ATXN1: variants seen among roughly 807,000 people sequenced by gnomAD.
The protein encoded by ATXN1 is ataxin-1.
A neutral mutation model predicts 56.4 loss-of-function variants in ATXN1; 8 were observed. The ratio of observed to expected loss-of-function variants is 0.14; its 90% confidence interval spans 0.08 to 0.26. The LOEUF (loss-of-function observed/expected upper bound fraction) is 0.26. ATXN1 is among the 10% of genes least tolerant of loss of function. ATXN1 has a pLI of 1.00. For synonymous variants in ATXN1, 514 were observed against 494.6 expected, an observed-to-expected ratio of 1.04 and a Z score of -0.52; for missense variants, 987 against 1,106.5, an observed-to-expected ratio of 0.89 and a Z score of 1.53.
intron 6 of ATXN1, among the ~76,000 whole-genome samples, chr6:16,345,018 G>A (rs1340148881): frequency 6.6e-6 from 1 of 152,320 alleles, no homozygotes; most frequent in East Asian, 1.9e-4. Flanking sequence ...CTAGGGTGCT[G>A]TCCGTCCTTG....
At chr6:16,578,045 T>C (rs1762457247) in intron 4 of ATXN1, among the ~76,000 whole-genome samples, 1 of 152,218 alleles carries the variant, frequency 6.6e-6, no homozygotes, top group African/African-American at 2.4e-5. Context: ...ACTACATTAA[T>C]TTTATTACAT....
chr6:16,470,983 G>A lies in ATXN1; in HGVS notation c.-161+14989C>T, dbSNP rs766439726. Among the ~76,000 whole-genome samples, 2 of 152,258 alleles carry A rather than the reference G, an allele frequency of 1.3e-5. 1 individual carries two copies. Among genetic ancestry groups the A allele is most frequent in the South Asian group, 4.1e-4 (2 of 4,826 alleles). Reference sequence around the variant, plus strand: ...ACCAAGGTACCTAGACTGATGTGAGGCATTTGGAAGAGGGGAAAGATTCGT... The same window carrying A: ...ACCAAGGTACCTAGACTGATGTGAGACATTTGGAAGAGGGGAAAGATTCGT... On this transcript the variant is annotated intron_variant, in intron 6 of 7. Coordinates refer to ENST00000436367, the MANE Select transcript of ATXN1 (RefSeq NM_001128164.2).
intron 6 of ATXN1, among the ~76,000 whole-genome samples, chr6:16,453,435 T>C (rs146728068): frequency 0.027 from 4,123 of 152,256 alleles, 77 homozygotes; most frequent in Non-Finnish European, 0.043. Flanking sequence ...CACTCCAGCC[T>C]GGGCGACAGA....
At chr6:16,634,107 T>C (rs981812802) in intron 3 of ATXN1, among the ~76,000 whole-genome samples, 1 of 152,252 alleles carries the variant, frequency 6.6e-6, no homozygotes, top group Non-Finnish European at 1.5e-5. Flanking sequence ...ATCTCCAGCT[T>C]GAAATGCCCT....
chr6:16,733,426 G>A (rs1191209982), intron 2 of ATXN1, among the ~76,000 whole-genome samples: 1 of 152,128 alleles, frequency 6.6e-6, no homozygotes, highest in Non-Finnish European at 1.5e-5. Context: ...AGTTGGGTGT[G>A]GTGGTGCACA....
Position 16,489,490 on chromosome 6 carries a change from G to A in ATXN1, c.-298-3381C>T, listed in dbSNP as rs73724880. On this transcript the variant is annotated intron_variant, in intron 5 of 7. Coordinates refer to ENST00000436367, the MANE Select transcript of ATXN1 (RefSeq NM_001128164.2). ...AGTCATTAGTGGAATTTGAACAGTT[G>A]TCATCTCCTTTCAAGATTTACAAAC... Among the ~76,000 whole-genome samples the A allele has an allele frequency of 1.2e-3, 185 of 152,234 alleles. 1 individual carries two copies. Among genetic ancestry groups the A allele is most frequent in the African/African-American group, 4.3e-3 (177 of 41,540 alleles).
At chr6:16,343,508 C>T (rs1228408802) in intron 6 of ATXN1, among the ~76,000 whole-genome samples, 1 of 152,092 alleles carries the variant, frequency 6.6e-6, no homozygotes, top group Non-Finnish European at 1.5e-5. Flanking sequence ...GACGTCAGGG[C>T]ATCCTTTAAG....
chr6:16,459,934 A>G (rs1759956541), intron 6 of ATXN1, among the ~76,000 whole-genome samples: 1 of 152,220 alleles, frequency 6.6e-6, no homozygotes, highest in South Asian at 2.1e-4. Context: ...CTCTGCCTAC[A>G]ACAAGTCAAA....
intron 6 of ATXN1, among the ~76,000 whole-genome samples, chr6:16,420,075 C>T (rs1390977974): frequency 1.3e-5 from 2 of 152,312 alleles, no homozygotes; most frequent in Non-Finnish European, 1.5e-5. Flanking sequence ...AGAACATAGG[C>T]AACGAATACT....
At chr6:16,392,582 G>C (rs1034605690) in intron 6 of ATXN1, among the ~76,000 whole-genome samples, 1 of 151,684 alleles carries the variant, frequency 6.6e-6, no homozygotes, top group Non-Finnish European at 1.5e-5. Flanking sequence ...TGCAACCTCC[G>C]CCTTCTAGGT....
At chr6:16,510,222 G>C (rs1761055991) in intron 5 of ATXN1, among the ~76,000 whole-genome samples, 1 of 152,070 alleles carries the variant, frequency 6.6e-6, no homozygotes, top group African/African-American at 2.4e-5. Context: ...GTTCCTCAAA[G>C]TGTCTTCCTG....
chr6:16,745,309 T>C (rs1308895307), intron 2 of ATXN1, among the ~76,000 whole-genome samples: 2 of 152,224 alleles, frequency 1.3e-5, no homozygotes, highest in Non-Finnish European at 2.9e-5. Flanking sequence ...GCTGCGGCTT[T>C]ACAACAGTAA....
chr6:16,492,859 A>C (rs1181977381), intron 5 of ATXN1, among the ~76,000 whole-genome samples: 1 of 152,160 alleles, frequency 6.6e-6, no homozygotes, highest in Admixed American at 6.5e-5. Flanking sequence ...CAGTGGAAAC[A>C]AATTATGTTT....
intron 2 of ATXN1, among the ~76,000 whole-genome samples, chr6:16,681,922 T>A (rs796887662): frequency 1.3e-5 from 2 of 152,154 alleles, no homozygotes; most frequent in African/African-American, 4.8e-5. Context: ...AAAAGATGCA[T>A]GATTAAAGTA....
At chr6:16,729,295 G>A (rs921452454) in intron 2 of ATXN1, among the ~76,000 whole-genome samples, 1 of 152,190 alleles carries the variant, frequency 6.6e-6, no homozygotes, top group Non-Finnish European at 1.5e-5. Flanking sequence ...CTTTCCTGTG[G>A]GGTGAGCGGT....
At chr6:16,332,619 T>A (rs1225056563) in intron 6 of ATXN1, among the ~76,000 whole-genome samples, 1 of 152,194 alleles carries the variant, frequency 6.6e-6, no homozygotes, top group African/African-American at 2.4e-5. Context: ...GAGAGCCACA[T>A]ATGCAGATCG....
chr6:16,726,907 T>C (rs2113478370), intron 2 of ATXN1, among the ~76,000 whole-genome samples: 1 of 152,294 alleles, frequency 6.6e-6, no homozygotes, highest in South Asian at 2.1e-4. Context: ...TTCAGATGGA[T>C]TGCTCAAGAG....
intron 6 of ATXN1, among the ~76,000 whole-genome samples, chr6:16,472,841 C>A (rs1415800276): frequency 6.6e-6 from 1 of 152,188 alleles, no homozygotes; most frequent in Non-Finnish European, 1.5e-5. Flanking sequence ...GGTGCCAGAG[C>A]AGAACCCTGC....
chr6:16,730,256 G>T (rs1308348395), intron 2 of ATXN1, among the ~76,000 whole-genome samples: 2 of 152,130 alleles, frequency 1.3e-5, no homozygotes, highest in African/African-American at 2.4e-5. Flanking sequence ...CCCAGCCTGG[G>T]CAACAGAGTG....
Sources: gnomAD v4.1 joint callset for allele counts (sites outside exome capture counted in the v4.1 genomes callset) on GRCh38, gnomAD v4.1.1 for gene constraint, MANE v1.5 for transcripts, NCBI Gene and HGNC (gene_info 2026-07-23, HGNC 2026-07-21) for gene names.